The following TMEM35B variants were observed in gnomAD, a reference collection of about 807,000 sequenced individuals.
TMEM35B encodes ZMYM6 neighbor protein.
Under a neutral mutation model 8.7 loss-of-function variants are expected in TMEM35B, and 6 were observed. That is an observed-to-expected ratio of 0.69 (90% CI 0.38 to 1.36). The LOEUF is 1.36. TMEM35B is among the 40% of genes most tolerant of loss of function. The probability of loss-of-function intolerance (pLI) is 0.02; values close to 1 mark genes in which losing one functional copy is unlikely to be tolerated. For missense variants in TMEM35B, 176 were observed against 181.6 expected (o/e 0.97, Z 0.18); for synonymous variants, 89 against 87.0 (o/e 1.02, Z -0.13).
chr1:34,983,947 T>C (rs1167315778), exon 2 of TMEM35B: 4 of 1,484,724 alleles, frequency 2.7e-6, no homozygotes, highest in Non-Finnish European at 3.6e-6. Flanking sequence ...AACAGGGCAT[T>C]CTAGGGGTGG....
At chr1:34,984,227 G>A (rs2148438578) in intron 1 of TMEM35B, among the ~76,000 whole-genome samples, 1 of 152,360 alleles carries the variant, frequency 6.6e-6, no homozygotes, top group Non-Finnish European at 1.5e-5. Context: ...ATCCCAGGAG[G>A]AGGGGGCTGG....
chr1:34,982,991 A>C (rs1387517557), intron 2 of TMEM35B, among the ~76,000 whole-genome samples: 1 of 152,206 alleles, frequency 6.6e-6, no homozygotes, highest in Non-Finnish European at 1.5e-5. Context: ...GTCTTTGTAC[A>C]TCAGCAGTTC....
rs115843213 is a variant in TMEM35B at position 34,982,054 on chromosome 1, G to A, written c.355C>T (p.Leu119=). 9.3e-4 allele frequency: 1,449 copies of A among 1,549,742 alleles called. 12 individuals carry two copies. In the African/African-American group the frequency reaches 0.018, roughly 20 times the overall value. The change falls in exon 3 of 3, where the codon CTG becomes TTG. Residue 119 remains leucine, a synonymous_variant. Transcript: ENST00000373337. ...ACATTCAGCAGCAGCAGGAACCCCA[G>A]GCAGACAATGGCTGGGATACAGGTG...
At chr1:34,983,919 A>C in exon 2 of TMEM35B, 2 of 1,524,948 alleles carry the variant, frequency 1.3e-6, no homozygotes, top group Non-Finnish European at 1.8e-6. Context: ...CAGCGGGAAC[A>C]CCTCAGCAAA....
chr1:34,982,039 G>C (rs1384267025), exon 3 of TMEM35B: 1 of 1,550,018 alleles, frequency 6.5e-7, no homozygotes, highest in Non-Finnish European at 8.7e-7. Context: ...ACATTCAGCA[G>C]CAGCAGGAAC....
rs1473391672 is a variant in TMEM35B, at chr1:34,985,168, G to A, written c.108+30C>T. ...GCGGAGCACACGCCGCCGCGGGCCC[G>A]ATCCCCTGCCGCCCGCCCGCGCCGC... On this transcript the variant is annotated intron_variant, in intron 1 of 2. Coordinates refer to ENST00000373337, the Ensembl canonical transcript of TMEM35B. 6.0e-6 allele frequency: 9 copies of A among 1,508,074 alleles called. No individual in the cohort carries two copies. In the East Asian group the frequency reaches 2.4e-4, roughly 40 times the overall value. 93.4% of individuals were successfully genotyped at this position (1,508,074 alleles called of 1,614,324 possible).
At chr1:34,983,578 CAAAAAAAAAAA>C (rs1163962621) in intron 2 of TMEM35B, among the ~76,000 whole-genome samples, 178 bp downstream of exon 2, 13 of 23,224 alleles carry the variant, frequency 5.6e-4, no homozygotes, top group East Asian at 1.5e-3. Context: ...GACTCCATCT[CAAAAAAAAAAA>C]AAAAAAAAAA....
At chr1:34,985,316 C>T in exon 1 of TMEM35B, 2 of 1,525,872 alleles carry the variant, frequency 1.3e-6, no homozygotes, top group Non-Finnish European at 1.8e-6. Context: ...GGCCGCGCTC[C>T]CCCCACCGTG....
chr1:34,983,608 C>T (rs1280151186), intron 2 of TMEM35B, among the ~76,000 whole-genome samples, 159 bp downstream of exon 2: 2 of 120,120 alleles, frequency 1.7e-5, no homozygotes, highest in South Asian at 5.2e-4. Flanking sequence ...AAAAAAAATA[C>T]CTGTGCTAGT....
chr1:34,981,697 T>C, exon 3 of TMEM35B: 2 of 226,920 alleles, frequency 8.8e-6, no homozygotes, highest in Non-Finnish European at 1.7e-5. Flanking sequence ...ATCAGAATTT[T>C]GGTTGATTTA....
intron 1 of TMEM35B, 98 bp from the exon 2 acceptor site, chr1:34,984,045 CAGAGA>C (rs1640535796): frequency 3.3e-6 from 4 of 1,214,882 alleles, no homozygotes; most frequent in Admixed American, 3.6e-5. Flanking sequence ...CTCAACTTCC[CAGAGA>C]AAAGAACTAC....
chr1:34,981,856 G>A, exon 3 of TMEM35B: 1 of 1,317,384 alleles, frequency 7.6e-7, no homozygotes, highest in East Asian at 2.7e-5. Context: ...GCTGACCCTG[G>A]ATATTATACT....
chr1:34,981,857 A>G lies in TMEM35B; in HGVS notation c.*87T>C, dbSNP rs1193931658. ...CTCTTTCAACACTGGCTGACCCTGG[A>G]TATTATACTGGTAACAAGATGATAG... On this transcript the variant is annotated 3_prime_UTR_variant, in exon 3 of 3. Transcript: ENST00000373337. 4.5e-6 allele frequency: 6 copies of G among 1,339,538 alleles called. No homozygotes were observed. In the East Asian group the frequency reaches 1.6e-4, roughly 36 times the overall value. The allele number at this position is 1,339,538 out of a possible 1,614,324, so 83.0% of individuals were successfully genotyped here. A position where few individuals can be genotyped will look rare whatever the true frequency, so the allele number is the denominator to read the frequency against.
At chr1:34,983,643 G>T in intron 2 of TMEM35B, 124 bp downstream of exon 2, 2 of 585,584 alleles carry the variant, frequency 3.4e-6, no homozygotes, top group Non-Finnish European at 5.3e-6. Flanking sequence ...AACTGTGGTA[G>T]AGCAGAAAGT....
rs566317990 is a variant in TMEM35B at position 34,985,320 on chromosome 1, C to A, written c.-15G>T. The A allele has an allele frequency of 7.1e-4, 1,085 of 1,522,802 alleles. 17 individuals carry two copies. The South Asian group carries it at 0.012, about 17-fold the overall frequency. 94.3% of individuals were successfully genotyped at this position (1,522,802 alleles called of 1,614,324 possible). A position where few individuals can be genotyped will look rare whatever the true frequency, so the allele number is the denominator to read the frequency against. Reference sequence around the variant, plus strand: ...AGGAGCGCCATGGCCGCGCTCCCCCCACCGTGGGTTGGCCCCGCCGAAAAC... The same window carrying A: ...AGGAGCGCCATGGCCGCGCTCCCCCAACCGTGGGTTGGCCCCGCCGAAAAC... On this transcript the variant is annotated 5_prime_UTR_variant, in exon 1 of 3. Transcript: ENST00000373337.
exon 2 of TMEM35B, chr1:34,983,801 C>T: frequency 6.5e-7 from 1 of 1,541,276 alleles, no homozygotes; most frequent in South Asian, 1.2e-5. Flanking sequence ...AGTTACTGAT[C>T]TCTTGCAGCA....
At chr1:34,983,911 G>C (rs766448611) in exon 2 of TMEM35B, 2 of 1,535,490 alleles carry the variant, frequency 1.3e-6, no homozygotes, top group South Asian at 2.5e-5. Flanking sequence ...AATACCTTCA[G>C]CGGGAACACC....
exon 1 of TMEM35B, chr1:34,985,319 C>G (rs747553730): frequency 1.6e-4 from 245 of 1,523,906 alleles, no homozygotes; most frequent in Admixed American, 2.3e-4. Context: ...CGCGCTCCCC[C>G]CACCGTGGGT....
Position 34,981,882 on chromosome 1 carries a change from G to T in TMEM35B, c.*62C>A, listed in dbSNP as rs1478556653. 3 of 1,422,274 alleles carry T rather than the reference G, an allele frequency of 2.1e-6. 1 individual carries two copies. The Admixed American group carries it at 8.4e-5, about 40-fold the overall frequency. 88.1% of individuals were successfully genotyped at this position (1,422,274 alleles called of 1,614,324 possible). ...ATATTATACTGGTAACAAGATGATAGACTCTGTGTTCTACCATGTTCCTGC... is the reference window on the plus strand; with the variant it reads ...ATATTATACTGGTAACAAGATGATATACTCTGTGTTCTACCATGTTCCTGC... On this transcript the variant is annotated 3_prime_UTR_variant, in exon 3 of 3. Transcript: ENST00000373337.
Sources: gnomAD v4.1 joint callset for allele counts (sites outside exome capture counted in the v4.1 genomes callset) on GRCh38, gnomAD v4.1.1 for gene constraint, MANE v1.5 for transcripts, NCBI Gene and HGNC (gene_info 2026-07-23, HGNC 2026-07-21) for gene names.